PIEZO2: variants seen among roughly 807,000 people sequenced by gnomAD.
PIEZO2 encodes the protein piezo-type mechanosensitive ion channel component 2.
A neutral mutation model predicts 337.3 loss-of-function variants in PIEZO2; 172 were observed. That is an observed-to-expected ratio of 0.51 (90% CI 0.45 to 0.58). The LOEUF (loss-of-function observed/expected upper bound fraction) is 0.58. PIEZO2 is among the 20% of genes least tolerant of loss of function. The pLI, the probability that PIEZO2 is intolerant of heterozygous loss-of-function variation, is 0.00. For missense variants in PIEZO2, 3,028 were observed against 3,391.3 expected, an observed-to-expected ratio of 0.89 and a Z score of 2.66; for synonymous variants, 1,251 against 1,228.5, an observed-to-expected ratio of 1.02 and a Z score of -0.38.
intron 4 of PIEZO2, among the ~76,000 whole-genome samples, chr18:10,901,430 GCACACACACA>G (rs34887184): frequency 5.4e-5 from 8 of 147,890 alleles, no homozygotes; most frequent in African/African-American, 2.0e-4. Flanking sequence ...ACACACACAC[GCACACACACA>G]CACACACACA....
intron 4 of PIEZO2, among the ~76,000 whole-genome samples, chr18:10,887,139 G>A (rs1043352260): frequency 1.5e-5 from 2 of 136,730 alleles, no homozygotes; most frequent in African/African-American, 2.8e-5. Context: ...GTGGAATCTC[G>A]GCTCACTGCA....
chr18:10,888,119 C>A lies in PIEZO2; in HGVS notation c.330-16704G>T, dbSNP rs2042660381. On this transcript the variant is annotated intron_variant, in intron 4 of 55. Transcript: ENST00000674853. This position sits in a 1 kb window ranked among gnomAD's most constrained non-coding sequence, Gnocchi z 4.1. ...GGCTGCCTAATGGTGGTCATTGATG[C>A]CCCTAAATATGAATTGGTATTTGGC... 6.6e-6 allele frequency among the ~76,000 whole-genome samples: 1 copy of A among 152,142 alleles called. No homozygotes were observed. Among genetic ancestry groups the A allele is most frequent in the African/African-American group, 2.4e-5 (1 of 41,428 alleles).
In PIEZO2 at chr18:10,726,875, T is replaced by C. The variant is rs2036565933; in HGVS notation, c.5029+4532A>G. 1 of 1,597,730 alleles carries C rather than the reference T, an allele frequency of 6.3e-7. No individual in the cohort carries two copies. Among genetic ancestry groups the C allele is most frequent in the Non-Finnish European group, 8.6e-7 (1 of 1,168,152 alleles). ...GACTTGGCACGCTACCGGCAGCAGCTGAAGCACATCATGGCCACCAACCGG... is the reference window on the plus strand; with the variant it reads ...GACTTGGCACGCTACCGGCAGCAGCCGAAGCACATCATGGCCACCAACCGG... On this transcript the variant is annotated intron_variant, in intron 36 of 55. Transcript: ENST00000674853. This position sits in a 1 kb window ranked among gnomAD's most constrained non-coding sequence, Gnocchi z 5.9.
Position 10,708,339 on chromosome 18 carries a change from G to T in PIEZO2, c.5524C>A (p.Leu1842Ile), listed in dbSNP as rs1370811772. Residue 1842 changes from leucine to isoleucine, a missense_variant, in exon 40 of 56, where the codon CTC becomes ATC. This residue lies in a region of PIEZO2 where 1,925 missense variants were observed against 2,051.9 expected (regional missense o/e 0.94). Coordinates refer to ENST00000674853, the MANE Select transcript of PIEZO2 (RefSeq NM_001378183.1). ...ATATCCATGCTGAGCATTTTACGGAGCCTAGGCCGAGCACGCTCGCTTGTT... is the reference window on the plus strand; with the variant it reads ...ATATCCATGCTGAGCATTTTACGGATCCTAGGCCGAGCACGCTCGCTTGTT... Reference protein sequence around the residue: ...PKTSERARPRLRKMLSMDMSS... With the variant: ...PKTSERARPRIRKMLSMDMSS... 6.5e-6 allele frequency: 1 copy of T among 152,688 alleles called. No homozygotes were observed. The highest frequency in any genetic ancestry group is 6.5e-5 in the Admixed American group (1 of 15,290). The allele number at this position is 152,688 out of a possible 1,614,324, so 9.5% of individuals were successfully genotyped here.
At chr18:11,025,343 G>A (rs2036499557) in intron 2 of PIEZO2, among the ~76,000 whole-genome samples, 1 of 152,142 alleles carries the variant, frequency 6.6e-6, no homozygotes, top group African/African-American at 2.4e-5. Flanking sequence ...GGTAAACGGG[G>A]CAGATAACCA....
intron 33 of PIEZO2, 167 bp downstream of exon 33, chr18:10,740,863 CG>C (rs1384362625): frequency 4.1e-6 from 3 of 730,404 alleles, no homozygotes; most frequent in Admixed American, 4.0e-5. Context: ...AATTGGACCC[CG>C]GGCTCAAAGA....
rs1467906059 is a variant in PIEZO2 at position 10,718,172 on chromosome 18, C to T, written c.5089+28G>A. The T allele has an allele frequency of 2.0e-6, 3 of 1,522,608 alleles. No individual in the cohort carries two copies. The East Asian group carries it at 7.3e-5, about 37-fold the overall frequency. The allele number at this position is 1,522,608 out of a possible 1,614,324, so 94.3% of individuals were successfully genotyped here. On this transcript the variant is annotated intron_variant, in intron 37 of 55. Coordinates refer to ENST00000674853, the MANE Select transcript of PIEZO2 (RefSeq NM_001378183.1). ...GCAGGTATCATTTTCAAAGTTCCCA[C>T]AGCTCATATTTGTCTTTATTTTGTT...
intron 7 of PIEZO2, among the ~76,000 whole-genome samples, chr18:10,852,998 G>C (rs976880046): frequency 1.3e-5 from 2 of 152,234 alleles, no homozygotes; most frequent in Admixed American, 6.5e-5. Flanking sequence ...GTGATCAACA[G>C]TTTCCCGATA....
intron 11 of PIEZO2, 72 bp from the exon 12 acceptor site, chr18:10,797,594 C>A (rs2039658665): frequency 6.6e-7 from 1 of 1,515,104 alleles, no homozygotes; most frequent in Non-Finnish European, 8.8e-7. Context: ...CCAAGCAATG[C>A]AGCACATGTA....
intron 2 of PIEZO2, among the ~76,000 whole-genome samples, chr18:10,997,672 C>CA (rs1890865218): frequency 6.6e-6 from 1 of 151,826 alleles, no homozygotes; most frequent in Non-Finnish European, 1.5e-5. Context: ...GTGGTAATGA[C>CA]AAAAAATGAG....
intron 1 of PIEZO2, among the ~76,000 whole-genome samples, chr18:11,141,991 A>G (rs1019294091): frequency 4.6e-5 from 7 of 152,202 alleles, no homozygotes; most frequent in African/African-American, 1.7e-4. Flanking sequence ...TTGCAAGTTC[A>G]TATACAAAAG....
At chr18:10,930,335 C>G (rs532436138) in intron 3 of PIEZO2, among the ~76,000 whole-genome samples, 74 of 152,348 alleles carry the variant, frequency 4.9e-4, no homozygotes, top group Admixed American at 2.0e-3. Context: ...AACTCCCACC[C>G]TCTTACCTTA....
chr18:10,799,589 C>T lies in PIEZO2; in HGVS notation c.1378+748G>A, dbSNP rs570555558. On this transcript the variant is annotated intron_variant, in intron 11 of 55. Coordinates refer to ENST00000674853, the MANE Select transcript of PIEZO2 (RefSeq NM_001378183.1). The stretch of plus-strand genomic sequence containing the variant: ...CTTTAGTAATAGTGGTCTCCTTCAA[C>T]ATAAACAACTGAAAGAAAAGGGAGA... Among the ~76,000 whole-genome samples the T allele has an allele frequency of 6.6e-5, 10 of 152,234 alleles. No homozygotes were observed. The South Asian group carries it at 2.1e-3, about 32-fold the overall frequency.
chr18:11,058,441 T>G (rs143493017), intron 2 of PIEZO2, among the ~76,000 whole-genome samples: 443 of 152,102 alleles, frequency 2.9e-3, no homozygotes, highest in Middle Eastern at 0.01. Flanking sequence ...TTTTGACAAG[T>G]TGAGAGAAGA....
chr18:10,879,043 G>T (rs556432859), intron 4 of PIEZO2, among the ~76,000 whole-genome samples: 58 of 152,234 alleles, frequency 3.8e-4, no homozygotes, highest in Non-Finnish European at 7.2e-4. Flanking sequence ...CTTCTCACAT[G>T]TGTTAGCTAA....
At chr18:10,722,272 C>A (rs2036346481) in intron 36 of PIEZO2, among the ~76,000 whole-genome samples, 1 of 151,254 alleles carries the variant, frequency 6.6e-6, no homozygotes. Context: ...ACTCTGTCAC[C>A]CAGGCTAGAG....
At chr18:10,697,201 C>T (rs115011760) in intron 45 of PIEZO2, among the ~76,000 whole-genome samples, 1,863 of 152,260 alleles carry the variant, frequency 0.012, 38 homozygotes, top group African/African-American at 0.039. Context: ...TTCAGTTCAA[C>T]GCCACGTTCA....
At chr18:10,963,283 CA>C (rs1249095060) in intron 3 of PIEZO2, among the ~76,000 whole-genome samples, 195 of 135,420 alleles carry the variant, frequency 1.4e-3, no homozygotes, top group Admixed American at 1.3e-3. Context: ...GATGTTGTCT[CA>C]AAAAAAAAAA....
rs529879737 is a variant in PIEZO2, at chr18:11,085,998, C to T, written c.65-19776G>A. ...ATTAATCCTCCTTCATTTCCAGCAT[C>T]GAGTACAATATCCTGACAGAGTGAG... On this transcript the variant is annotated intron_variant, in intron 1 of 55. Coordinates refer to ENST00000674853, the MANE Select transcript of PIEZO2 (RefSeq NM_001378183.1). Among the ~76,000 whole-genome samples the T allele has an allele frequency of 1.1e-4, 17 of 152,072 alleles. No individual in the cohort carries two copies. The East Asian group carries it at 2.7e-3, about 24-fold the overall frequency.
Sources: gnomAD v4.1 joint callset for allele counts (sites outside exome capture counted in the v4.1 genomes callset) on GRCh38, gnomAD v4.1.1 for gene constraint, gnomAD v4.1.1 regional missense constraint, Gnocchi (gnomAD v3.1) non-coding constraint, MANE v1.5 for transcripts, NCBI Gene and HGNC (gene_info 2026-07-23, HGNC 2026-07-21) for gene names.